The following EPHA6 variants were observed in gnomAD, a reference collection of about 807,000 sequenced individuals.
The protein encoded by EPHA6 is ephrin type-A receptor 6.
A neutral mutation model predicts 112.0 loss-of-function variants in EPHA6; 50 were observed. The ratio of observed to expected loss-of-function variants is 0.45; its 90% CI spans 0.36 to 0.56. The LOEUF (loss-of-function observed/expected upper bound fraction) is 0.56. Among genes scored for constraint, EPHA6 ranks in the 20% least tolerant of loss-of-function variants. The pLI, the probability that EPHA6 is intolerant of heterozygous loss-of-function variation, is 0.00. For synonymous variants in EPHA6, 529 were observed against 490.7 expected (o/e 1.08, Z -1.03); for missense variants, 1,280 against 1,417.4 (o/e 0.90, Z 1.56).
intron 3 of EPHA6, among the ~76,000 whole-genome samples, chr3:97,004,534 A>G (rs1387437464): frequency 3.3e-5 from 5 of 151,958 alleles, no homozygotes; most frequent in East Asian, 1.9e-4. Context: ...TAAAGTCTGG[A>G]TATTAGACAT....
At chr3:97,416,773 A>G (rs1024041746) in intron 6 of EPHA6, among the ~76,000 whole-genome samples, 1 of 152,156 alleles carries the variant, frequency 6.6e-6, no homozygotes, top group Middle Eastern at 3.4e-3. Flanking sequence ...GATATAATTA[A>G]CTCATTGAAA....
At chr3:97,204,233 A>G (rs2077655355) in intron 3 of EPHA6, among the ~76,000 whole-genome samples, 1 of 152,120 alleles carries the variant, frequency 6.6e-6, no homozygotes, top group Non-Finnish European at 1.5e-5. Flanking sequence ...ATAGTTAATT[A>G]ATTTCCTATG....
intron 3 of EPHA6, among the ~76,000 whole-genome samples, chr3:97,182,480 G>T (rs1280402065): frequency 1.3e-5 from 2 of 151,744 alleles, no homozygotes; most frequent in African/African-American, 2.4e-5. Flanking sequence ...TTACAGATTG[G>T]TTCCTTGCAA....
At chr3:97,304,796 A>C (rs543043030) in intron 5 of EPHA6, among the ~76,000 whole-genome samples, 2 of 152,188 alleles carry the variant, frequency 1.3e-5, no homozygotes, top group East Asian at 1.9e-4. Flanking sequence ...CCAGAAGAAA[A>C]TGTAGGCAAT....
intron 3 of EPHA6, among the ~76,000 whole-genome samples, chr3:97,091,309 C>A (rs2047058740): frequency 6.6e-6 from 1 of 152,088 alleles, no homozygotes. Context: ...TAACTGGAAA[C>A]AATATTAAGA....
At chr3:97,070,181 A>G (rs1399986847) in intron 3 of EPHA6, among the ~76,000 whole-genome samples, 1 of 152,080 alleles carries the variant, frequency 6.6e-6, no homozygotes, top group African/African-American at 2.4e-5. Context: ...ATCAACCAAT[A>G]TTATCTTTGT....
At chr3:97,180,232 C>T (rs1052909986) in intron 3 of EPHA6, among the ~76,000 whole-genome samples, 2 of 152,030 alleles carry the variant, frequency 1.3e-5, no homozygotes, top group Non-Finnish European at 2.9e-5. Flanking sequence ...AGGCCAAGGT[C>T]TCTTGCTTGT....
chr3:97,711,903 T>C (rs1431263940), intron 14 of EPHA6, among the ~76,000 whole-genome samples: 1 of 152,204 alleles, frequency 6.6e-6, no homozygotes, highest in Non-Finnish European at 1.5e-5. Flanking sequence ...ATCATTGCTT[T>C]GTATTAGTAT....
At chr3:97,403,022 A>G (rs1397942059) in intron 5 of EPHA6, among the ~76,000 whole-genome samples, 3 of 152,130 alleles carry the variant, frequency 2.0e-5, no homozygotes, top group Non-Finnish European at 4.4e-5. Flanking sequence ...TAAATTGGAA[A>G]GATATAATGA....
At position 96,994,732 on chromosome 3, in the gene EPHA6, T is replaced by TATATATAG. The variant is rs1170197805; in HGVS notation, c.1114+6740_1114+6741insTATATAGA. 2.1e-3 allele frequency among the ~76,000 whole-genome samples: 176 copies of TATATATAG among 82,188 alleles called. 1 individual carries two copies. The highest frequency in any genetic ancestry group is 0.011 in the African/African-American group (169 of 15,534). The allele number at this position is 82,188 out of a possible 152,430, so 53.9% of individuals were successfully genotyped here. ...GTGTATATATATATATATATATATATAGAGAGAGAGAGAGAGAGAGAGAGA... is the reference window on the plus strand; with the variant it reads ...GTGTATATATATATATATATATATATATATATAGAGAGAGAGAGAGAGAGAGAGAGAGA... On this transcript the variant is annotated intron_variant, in intron 3 of 17. Transcript: ENST00000389672.
intron 2 of EPHA6, among the ~76,000 whole-genome samples, chr3:96,929,687 T>G (rs2040218364): frequency 6.6e-6 from 1 of 152,198 alleles, no homozygotes. Context: ...TTGAAGACTG[T>G]GATGATTATA....
chr3:97,665,175 A>G (rs537992251), intron 14 of EPHA6, among the ~76,000 whole-genome samples: 1 of 152,178 alleles, frequency 6.6e-6, no homozygotes, highest in Non-Finnish European at 1.5e-5. Flanking sequence ...CACATCTACA[A>G]CTATCTGATC....
At position 97,154,396 on chromosome 3, in the gene EPHA6, G is replaced by A. The variant is rs878890959; in HGVS notation, c.1115-71868G>A. On this transcript the variant is annotated intron_variant, in intron 3 of 17. Coordinates refer to ENST00000389672, the MANE Select transcript of EPHA6 (RefSeq NM_001080448.3). ...TATATATACTTGTGAGGTACAAAGC[G>A]ATGTTTTGGTATATTTCCACATTAT... Among the ~76,000 whole-genome samples the A allele has an allele frequency of 2.7e-4, 41 of 152,100 alleles. 1 individual carries two copies. The highest frequency in any genetic ancestry group is 2.1e-3 in the Admixed American group (32 of 15,274).
chr3:97,299,792 C>T (rs376006867), intron 5 of EPHA6, among the ~76,000 whole-genome samples: 60 of 151,940 alleles, frequency 3.9e-4, no homozygotes, highest in South Asian at 1.5e-3. Context: ...TCCTTGAAAC[C>T]CAGGATAAAA....
chr3:97,207,572 T>C (rs2077747570), intron 3 of EPHA6, among the ~76,000 whole-genome samples: 2 of 152,202 alleles, frequency 1.3e-5, no homozygotes, highest in African/African-American at 4.8e-5. Flanking sequence ...AAATTTGATA[T>C]GCATATGTAT....
chr3:97,559,609 C>A (rs907303349), intron 11 of EPHA6: 1 of 455,326 alleles, frequency 2.2e-6, no homozygotes, highest in African/African-American at 2.0e-5. Context: ...GAAATGATGA[C>A]ATATATCCTC....
At chr3:97,106,474 C>T (rs1021032813) in intron 3 of EPHA6, among the ~76,000 whole-genome samples, 1 of 152,004 alleles carries the variant, frequency 6.6e-6, no homozygotes, top group Admixed American at 6.6e-5. Context: ...AAGCCCAGGC[C>T]GCTGAGCAGC....
intron 2 of EPHA6, 22 bp from the exon 3 acceptor site, chr3:96,987,308 T>C: frequency 6.4e-7 from 1 of 1,564,148 alleles, no homozygotes. Flanking sequence ...AATCACTTAA[T>C]TACTTTTTTC....
intron 1 of EPHA6, among the ~76,000 whole-genome samples, chr3:96,840,413 G>A (rs77727596): frequency 0.028 from 4,256 of 152,100 alleles, 192 homozygotes; most frequent in African/African-American, 0.094. Flanking sequence ...CACAGGTGCC[G>A]TTGTTTTCAT....
Sources: allele counts gnomAD v4.1 joint callset (sites outside exome capture counted in the v4.1 genomes callset), GRCh38; gene constraint gnomAD v4.1.1; transcripts MANE v1.5; gene names NCBI Gene and HGNC (gene_info 2026-07-23, HGNC 2026-07-21).